The following FAM204A variants were observed in gnomAD, a reference collection of about 807,000 sequenced individuals.
The protein encoded by FAM204A is protein FAM204A.
A neutral mutation model predicts 35.4 loss-of-function variants in FAM204A; 16 were observed. That is an observed-to-expected ratio of 0.45 (90% CI 0.31 to 0.69). The LOEUF is 0.69. Among genes scored for constraint, FAM204A ranks in the 30% least tolerant of loss-of-function variants. The pLI, the probability that FAM204A is intolerant of heterozygous loss-of-function variation, is 0.07. For synonymous variants in FAM204A, 76 were observed against 86.9 expected (o/e 0.88, Z 0.70); for missense variants, 240 against 265.7 (o/e 0.90, Z 0.67).
At chr10:118,318,376 C>T (rs1000610891) in intron 7 of FAM204A, among the ~76,000 whole-genome samples, 6 of 151,956 alleles carry the variant, frequency 3.9e-5, no homozygotes, top group Admixed American at 3.3e-4. Context: ...ATACACATCC[C>T]TGATACTAGC....
chr10:118,325,125 C>A (rs763479540), intron 7 of FAM204A, among the ~76,000 whole-genome samples: 8 of 151,732 alleles, frequency 5.3e-5, no homozygotes, highest in Non-Finnish European at 1.2e-4. Flanking sequence ...TTTTTCCCTA[C>A]GCCAAAATAA....
chr10:118,319,683 T>C (rs4752151), intron 7 of FAM204A, among the ~76,000 whole-genome samples: 25,422 of 151,940 alleles, frequency 0.17, 2,325 homozygotes, highest in Middle Eastern at 0.31. Flanking sequence ...AATTTTATCG[T>C]ATCATGACTC....
Position 118,326,226 on chromosome 10 carries a change from C to T in FAM204A, c.471G>A (p.Arg157=). The T allele has an allele frequency of 6.2e-7, 1 of 1,613,514 alleles. No individual in the cohort carries two copies. The highest frequency in any genetic ancestry group is 8.5e-7 in the Non-Finnish European group (1 of 1,179,718). ...KKVEKSGLEK[R]IDQAVEEWNI... is the part of the protein sequence containing the mutation. ...TCCACTCCTCCACAGCCTGGTCTATCCTCTTTTCAAGGCCTGACTAGAAAA... is the reference window on the plus strand; with the variant it reads ...TCCACTCCTCCACAGCCTGGTCTATTCTCTTTTCAAGGCCTGACTAGAAAA... The change falls in exon 7 of 9, where the codon AGG becomes AGA. Residue 157 remains arginine (R), a synonymous_variant. Coordinates refer to ENST00000369183, the MANE Select transcript of FAM204A (RefSeq NM_022063.3).
intron 7 of FAM204A, among the ~76,000 whole-genome samples, chr10:118,319,964 T>C (rs1200230730): frequency 6.6e-6 from 1 of 152,064 alleles, no homozygotes; most frequent in East Asian, 1.9e-4. Flanking sequence ...ATGAAATTCA[T>C]AGGCAACCTC....
intron 7 of FAM204A, among the ~76,000 whole-genome samples, chr10:118,315,429 TAA>T (rs1846015904): frequency 1.3e-5 from 2 of 152,300 alleles, no homozygotes; most frequent in East Asian, 1.9e-4. Context: ...AACAGATTTA[TAA>T]AGTTTTCCTC....
At chr10:118,332,688 G>A (rs1324394924) in intron 6 of FAM204A, among the ~76,000 whole-genome samples, 2 of 151,894 alleles carry the variant, frequency 1.3e-5, no homozygotes, top group African/African-American at 4.8e-5. Flanking sequence ...AACCAAGTTC[G>A]AAAAAGCTAC....
In FAM204A at chr10:118,299,515, G is replaced by A. The variant is rs1845785764; in HGVS notation, c.*11342C>T. On this transcript the variant is annotated 3_prime_UTR_variant, in exon 9 of 9. Coordinates refer to ENST00000369183, the MANE Select transcript of FAM204A (RefSeq NM_022063.3). ...TCCCACCTTAGCCTCCCGAGTAGCT[G>A]GGGGACTACAGGGGTGTACCACCAC... The A allele has an allele frequency of 6.6e-6, 1 of 150,942 alleles. No individual in the cohort carries two copies. The highest frequency in any genetic ancestry group is 2.1e-4 in the South Asian group (1 of 4,788). 9.4% of individuals were successfully genotyped at this position (150,942 alleles called of 1,614,324 possible).
At chr10:118,317,226 T>C (rs939983710) in intron 7 of FAM204A, among the ~76,000 whole-genome samples, 2 of 152,122 alleles carry the variant, frequency 1.3e-5, no homozygotes, top group African/African-American at 4.8e-5. Flanking sequence ...GGTGCTAAGC[T>C]TCAACTACCA....
At chr10:118,314,553 T>C (rs928871874) in intron 7 of FAM204A, among the ~76,000 whole-genome samples, 1 of 152,100 alleles carries the variant, frequency 6.6e-6, no homozygotes, top group Non-Finnish European at 1.5e-5. Context: ...TAAAAGAATA[T>C]CGTGCTGTGC....
At chr10:118,333,707 G>C (rs1174244172) in intron 6 of FAM204A, among the ~76,000 whole-genome samples, 1 of 152,136 alleles carries the variant, frequency 6.6e-6, no homozygotes. Context: ...ACAGATAGAA[G>C]CCTAGCCAGC....
chr10:118,307,278 A>T lies in FAM204A; in HGVS notation c.*3579T>A, dbSNP rs1845878409. On this transcript the variant is annotated 3_prime_UTR_variant, in exon 9 of 9. Transcript: ENST00000369183. Reference sequence around the variant, plus strand: ...CATTTGGTTCTGGAAAAAGATTTTCATGTACATATTTTGTCCAAATATTAC... The same window carrying T: ...CATTTGGTTCTGGAAAAAGATTTTCTTGTACATATTTTGTCCAAATATTAC... 6.6e-6 allele frequency: 1 copy of T among 152,206 alleles called. No homozygotes were observed. Among genetic ancestry groups the T allele is most frequent in the Admixed American group, 6.5e-5 (1 of 15,286 alleles). 9.4% of individuals were successfully genotyped at this position (152,206 alleles called of 1,614,324 possible). A position where few individuals can be genotyped will look rare whatever the true frequency, so the allele number is the denominator to read the frequency against.
At chr10:118,315,259 A>G (rs931588293) in intron 7 of FAM204A, among the ~76,000 whole-genome samples, 1 of 152,218 alleles carries the variant, frequency 6.6e-6, no homozygotes, top group African/African-American at 2.4e-5. Context: ...TTAAAAGACA[A>G]ACTTCAAAAT....
At position 118,307,492 on chromosome 10, in the gene FAM204A, G is replaced by A. The variant is rs190249713; in HGVS notation, c.*3365C>T. On this transcript the variant is annotated 3_prime_UTR_variant, in exon 9 of 9. Coordinates refer to ENST00000369183, the MANE Select transcript of FAM204A (RefSeq NM_022063.3). ...ATTCAGTTGGTTCTGGATTAGACTAGGTTTCACTAACTTCAAAATGAGATC... is the reference window on the plus strand; with the variant it reads ...ATTCAGTTGGTTCTGGATTAGACTAAGTTTCACTAACTTCAAAATGAGATC... 18 of 152,270 alleles carry A rather than the reference G, an allele frequency of 1.2e-4. No homozygotes were observed. The highest frequency in any genetic ancestry group is 1.6e-4 in the Non-Finnish European group (11 of 68,016). 9.4% of individuals were successfully genotyped at this position (152,270 alleles called of 1,614,324 possible).
rs1205930949 is a variant in FAM204A, at chr10:118,310,147, T to G, written c.*710A>C. 6.6e-6 allele frequency: 1 copy of G among 151,934 alleles called. No homozygotes were observed. 9.4% of individuals were successfully genotyped at this position (151,934 alleles called of 1,614,324 possible). The stretch of plus-strand genomic sequence containing the variant: ...ACAACTGTCAGTCTTAAAAACACAG[T>G]TCCAGTAAACGTGTAGTTACACTGG... On this transcript the variant is annotated 3_prime_UTR_variant, in exon 9 of 9. Transcript: ENST00000369183.
intron 2 of FAM204A, among the ~76,000 whole-genome samples, chr10:118,339,950 T>C (rs988750280): frequency 2.0e-5 from 3 of 152,186 alleles, no homozygotes; most frequent in Admixed American, 6.5e-5. Flanking sequence ...AAACCACCCA[T>C]CGTTATTATT....
intron 7 of FAM204A, among the ~76,000 whole-genome samples, chr10:118,324,555 T>C (rs1846168447): frequency 6.6e-6 from 1 of 152,134 alleles, no homozygotes; most frequent in African/African-American, 2.4e-5. Flanking sequence ...TGGAGTAAAT[T>C]TGAGGACACT....
At chr10:118,332,173 GAAAAA>G (rs59564428) in intron 6 of FAM204A, among the ~76,000 whole-genome samples, 1 of 54,158 alleles carries the variant, frequency 1.8e-5, no homozygotes, top group Non-Finnish European at 3.2e-5. Flanking sequence ...CTCTGTTTCA[GAAAAA>G]AAAAAAAAAA....
At chr10:118,311,356 C>T (rs1415245325) in intron 7 of FAM204A, 43 bp from the exon 8 acceptor site, 3 of 1,429,110 alleles carry the variant, frequency 2.1e-6, no homozygotes, top group Non-Finnish European at 1.9e-6. Flanking sequence ...AATAAATATT[C>T]CAGCTAATAC....
chr10:118,315,617 T>A (rs1192375220), intron 7 of FAM204A, among the ~76,000 whole-genome samples: 1 of 152,156 alleles, frequency 6.6e-6, no homozygotes, highest in East Asian at 1.9e-4. Context: ...ACTTAAAGTG[T>A]TAAGGTCTTT....
Sources: allele counts gnomAD v4.1 joint callset (sites outside exome capture counted in the v4.1 genomes callset), GRCh38; gene constraint gnomAD v4.1.1; transcripts MANE v1.5; gene names NCBI Gene and HGNC (gene_info 2026-07-23, HGNC 2026-07-21).